The following CGN variants were observed in gnomAD, a reference collection of about 807,000 sequenced individuals.
CGN encodes the protein cingulin.
Under a neutral mutation model 157.1 loss-of-function variants are expected in CGN, and 121 were observed. The ratio of observed to expected loss-of-function variants is 0.77; its 90% CI spans 0.66 to 0.90. The LOEUF (loss-of-function observed/expected upper bound fraction) is 0.90. Among genes scored for constraint, CGN ranks in the 40% least tolerant of loss-of-function variants. CGN has a pLI of 0.00. For synonymous variants in CGN, 535 were observed against 607.5 expected (o/e 0.88, Z 1.76); for missense variants, 1,424 against 1,520.9 (o/e 0.94, Z 1.06).
At chr1:151,529,879 C>G in intron 11 of CGN, 30 bp from the exon 12 acceptor site, 1 of 1,598,814 alleles carries the variant, frequency 6.3e-7, no homozygotes, top group South Asian at 1.1e-5. Context: ...GCCCTGGGGT[C>G]TGAGCTGCCA....
chr1:151,523,353 G>A, intron 5 of CGN, 81 bp from the exon 6 acceptor site: 1 of 1,363,592 alleles, frequency 7.3e-7, no homozygotes, highest in Non-Finnish European at 1.0e-6. Context: ...TCCAATGAGT[G>A]TTAGACATTC....
At chr1:151,523,305 A>C (rs1286997968) in intron 5 of CGN, 129 bp from the exon 6 acceptor site, 1 of 759,436 alleles carries the variant, frequency 1.3e-6, no homozygotes, top group African/African-American at 1.8e-5. Context: ...GATAATACAC[A>C]TAAGGTCCTA....
In CGN at chr1:151,530,610, T is replaced by C. The variant is rs757993941; in HGVS notation, c.2435T>C (p.Leu812Pro). 2.5e-6 allele frequency: 4 copies of C among 1,610,846 alleles called. No homozygotes were observed. Among genetic ancestry groups the C allele is most frequent in the Non-Finnish European group, 3.4e-6 (4 of 1,178,604 alleles). ...GAGGCTCAGCGGGGGCTGGCCCGCCTGGGGCAGGAGCAGCAGACACTGAAC... is the reference window on the plus strand; with the variant it reads ...GAGGCTCAGCGGGGGCTGGCCCGCCCGGGGCAGGAGCAGCAGACACTGAAC... ...LEEAQRGLAR[L>P]GQEQQTLNRA... Residue 812 changes from leucine (L) to proline (P), a missense_variant, in exon 13 of 21, where the codon CTG (leucine) becomes CCG (proline). Physicochemically the swap from Leu to Pro is moderately conservative, Grantham distance 98. Transcript: ENST00000271636.
intron 13 of CGN, 70 bp from the exon 14 acceptor site, chr1:151,532,332 G>T (rs1225392474): frequency 2.4e-6 from 3 of 1,241,604 alleles, no homozygotes; most frequent in Non-Finnish European, 3.2e-6. Context: ...TTAGGGGAGA[G>T]TCTTGGGAGT....
rs1251073947 is a variant in CGN at position 151,538,620 on chromosome 1, C to T, written c.*1274C>T. 2.0e-5 allele frequency: 3 copies of T among 152,336 alleles called. No homozygotes were observed. Among genetic ancestry groups the T allele is most frequent in the African/African-American group, 7.2e-5 (3 of 41,564 alleles). The allele number at this position is 152,336 out of a possible 1,614,324, so 9.4% of individuals were successfully genotyped here. ...TTCCTATATTCTTCTGCAAATCAAA[C>T]GTTCTTTCCCAATCCAATCCAGCCT... On this transcript the variant is annotated 3_prime_UTR_variant, in exon 21 of 21. Transcript: ENST00000271636.
In CGN at chr1:151,519,400, C is replaced by T. The variant is rs1250613121; in HGVS notation, c.873+8C>T. 2 of 1,567,258 alleles carry T rather than the reference C, an allele frequency of 1.3e-6. No homozygotes were observed. Among genetic ancestry groups the T allele is most frequent in the Non-Finnish European group, 1.7e-6 (2 of 1,162,064 alleles). On this transcript the variant is annotated splice_region_variant and intron_variant, in intron 2 of 20. Coordinates refer to ENST00000271636, the MANE Select transcript of CGN (RefSeq NM_020770.3). Reference sequence around the variant, plus strand: ...GACCCCACCATGCTGCAGGTCAGACCCAGCCCCTCCCTGACTTCTAAATGT... The same window carrying T: ...GACCCCACCATGCTGCAGGTCAGACTCAGCCCCTCCCTGACTTCTAAATGT...
At chr1:151,528,419 G>GTTTT in intron 10 of CGN, among the ~76,000 whole-genome samples, 1 of 148,110 alleles carries the variant, frequency 6.8e-6, no homozygotes, top group Non-Finnish European at 1.5e-5. Context: ...AATCCAATGG[G>GTTTT]TTTTTTTTTT....
rs1157523371 is a variant in CGN, at chr1:151,518,866, A to G, written c.347A>G (p.Gln116Arg). 2 of 1,614,062 alleles carry G rather than the reference A, an allele frequency of 1.2e-6. No individual in the cohort carries two copies. Among genetic ancestry groups the G allele is most frequent in the Non-Finnish European group, 1.7e-6 (2 of 1,179,946 alleles). ...SQVKGFPAPS[Q>R]SSTSDEEPGA... ...GTCAAGGGATTTCCTGCCCCCTCGC[A>G]GAGCAGCACATCTGATGAGGAGCCT... Residue 116 changes from glutamine to arginine, a missense_variant, in exon 2 of 21, where the codon CAG (glutamine) becomes CGG (arginine). By Grantham distance (43) the Gln-to-Arg change is conservative (BLOSUM62 1). Coordinates refer to ENST00000271636, the MANE Select transcript of CGN (RefSeq NM_020770.3).
intron 15 of CGN, chr1:151,534,355 A>T (rs529228148): frequency 1.8e-6 from 1 of 551,162 alleles, no homozygotes; most frequent in African/African-American, 1.9e-5. Flanking sequence ...GGTAATACTG[A>T]GTGTCTTGTC....
rs1664778758 is a variant in CGN, at chr1:151,529,490, G to C, written c.2037G>C (p.Leu679=). 6.2e-7 allele frequency: 1 copy of C among 1,614,000 alleles called. No individual in the cohort carries two copies. Among genetic ancestry groups the C allele is most frequent in the Non-Finnish European group, 8.5e-7 (1 of 1,179,998 alleles). ...TCGAGGCTGATCGAGGTCGGGAGCT[G>C]GAAGAACAGAACCTCCAGCTACAAA... ...LRVEADRGRE[L]EEQNLQLQKT... Residue 679 remains leucine, a synonymous_variant, in exon 11 of 21, where the codon CTG becomes CTC. Transcript: ENST00000271636.
At position 151,519,194 on chromosome 1, in the gene CGN, G is replaced by A; in HGVS notation, c.675G>A (p.Glu225=). The change falls in exon 2 of 21, where the codon GAG becomes GAA. Residue 225 remains glutamate, a synonymous_variant. Coordinates refer to ENST00000271636, the MANE Select transcript of CGN (RefSeq NM_020770.3). ...GCCGCCTCCCACGGGACACCTTTGAGGAACGGGAGCGCCAGTCCACCAACC... is the reference window on the plus strand; with the variant it reads ...GCCGCCTCCCACGGGACACCTTTGAAGAACGGGAGCGCCAGTCCACCAACC... ...LDSRLPRDTF[E]ERERQSTNHW... is the part of the protein sequence containing the mutation. 1.2e-6 allele frequency: 2 copies of A among 1,614,086 alleles called. No homozygotes were observed. Among genetic ancestry groups the A allele is most frequent in the Non-Finnish European group, 1.7e-6 (2 of 1,180,048 alleles).
At chr1:151,527,952 T>A (rs200661481) in intron 10 of CGN, 5,158 of 78,002 alleles carry the variant, frequency 0.066, 65 homozygotes, top group African/African-American at 0.13. Flanking sequence ...ATATATATAT[T>A]TTTTTTTTTT....
intron 2 of CGN, 21 bp from the exon 3 acceptor site, chr1:151,520,145 C>G: frequency 1.3e-6 from 2 of 1,507,010 alleles, no homozygotes; most frequent in Non-Finnish European, 1.8e-6. Context: ...TTTTTTTTTT[C>G]TTTTTCTTTT....
intron 13 of CGN, among the ~76,000 whole-genome samples, chr1:151,531,643 A>G (rs1252900915): frequency 6.6e-6 from 1 of 152,222 alleles, no homozygotes; most frequent in Non-Finnish European, 1.5e-5. Context: ...CCTGTCAAAA[A>G]AAAAAATCTT....
chr1:151,521,700 TGG>T (rs879301839), intron 5 of CGN, among the ~76,000 whole-genome samples: 12 of 151,994 alleles, frequency 7.9e-5, no homozygotes, highest in Non-Finnish European at 1.6e-4. Flanking sequence ...TAGCCTGGTA[TGG>T]TGGCACATGC....
rs1664856674 is a variant in CGN at position 151,532,425 on chromosome 1, T to C, written c.2595T>C (p.Ser865=). The part of the protein sequence containing the change: ...NKELEKIGED[S]KQALQQLQAQ... ...AGTTGGAGAAGATCGGGGAGGACTC[T>C]AAGCAAGCCCTGCAGCAGCTCCAGG... Residue 865 remains serine (S), a synonymous_variant, in exon 14 of 21, where the codon TCT becomes TCC. Transcript: ENST00000271636. 4 of 1,584,240 alleles carry C rather than the reference T, an allele frequency of 2.5e-6. No individual in the cohort carries two copies. Among genetic ancestry groups the C allele is most frequent in the East Asian group, 2.3e-5 (1 of 43,840 alleles).
chr1:151,525,621 T>C (rs758085806), intron 8 of CGN, 21 bp from the exon 9 acceptor site: 2 of 1,546,050 alleles, frequency 1.3e-6, no homozygotes, highest in Non-Finnish European at 1.7e-6. Flanking sequence ...CCTTCTGGTG[T>C]CCAACTCTCC....
intron 19 of CGN, 118 bp downstream of exon 19, chr1:151,536,463 T>G (rs1382479395): frequency 3.0e-6 from 2 of 667,648 alleles, no homozygotes; most frequent in Non-Finnish European, 5.3e-6. Flanking sequence ...ACTTTCCTTG[T>G]ATAAGGACAG....
chr1:151,537,459 C>T lies in CGN; in HGVS notation c.*113C>T. On this transcript the variant is annotated 3_prime_UTR_variant, in exon 21 of 21. Transcript: ENST00000271636. ...CTATGGGTGACCCAATTATTCAGAC[C>T]TAAGACAGGGAGGGGTCAGAGTGAT... The T allele has an allele frequency of 1.1e-6, 1 of 899,024 alleles. No individual in the cohort carries two copies. Among genetic ancestry groups the T allele is most frequent in the Non-Finnish European group, 1.6e-6 (1 of 608,362 alleles). 55.7% of individuals were successfully genotyped at this position (899,024 alleles called of 1,614,324 possible). A position where few individuals can be genotyped will look rare whatever the true frequency, so the allele number is the denominator to read the frequency against.
Sources: gnomAD v4.1 joint callset for allele counts (sites outside exome capture counted in the v4.1 genomes callset) on GRCh38, gnomAD v4.1.1 for gene constraint, MANE v1.5 for transcripts, NCBI Gene and HGNC (gene_info 2026-07-23, HGNC 2026-07-21) for gene names.